Variants in PHF21A observed in about 807,000 individuals in gnomAD.
The protein encoded by PHF21A is BHC80a.
Under a neutral mutation model 82.5 loss-of-function variants are expected in PHF21A, and 11 were observed. The ratio of observed to expected loss-of-function variants is 0.13; its 90% CI spans 0.08 to 0.22. The LOEUF (loss-of-function observed/expected upper bound fraction) is 0.22. Ranked by LOEUF, PHF21A falls within the 10% of genes least tolerant of loss-of-function variation. The pLI is 1.00. For synonymous variants in PHF21A, 297 were observed against 302.8 expected, an observed-to-expected ratio of 0.98 and a Z score of 0.20; for missense variants, 579 against 837.8, an observed-to-expected ratio of 0.69 and a Z score of 3.81.
Position 46,121,351 on chromosome 11 carries a change from G to A in PHF21A, c.-653C>T, listed in dbSNP as rs1404831242. On this transcript the variant is annotated 5_prime_UTR_variant, in exon 1 of 19. Transcript: ENST00000676320. ...AGGGGGGAATCAGAGCAGCAGGAGA[G>A]AAACTGTAGGAGACAAACAAGCCCA... Among the ~76,000 whole-genome samples the A allele has an allele frequency of 6.6e-5, 10 of 150,938 alleles. No homozygotes were observed. The South Asian group carries it at 2.1e-3, about 32-fold the overall frequency.
rs1466156154 is a variant in PHF21A at position 45,948,917 on chromosome 11, G to A, written c.1257C>T (p.Asn419=). The change falls in exon 14 of 19, where the codon AAC becomes AAT. Residue 419 remains asparagine (N), a synonymous_variant. Coordinates refer to ENST00000676320, the MANE Select transcript of PHF21A (RefSeq NM_001352027.3). The part of the protein sequence containing the change: ...ERKKSAVTYL[N]STMHPGTRKR... ...TCCGGGTCCCAGGGTGCATTGTGCT[G>A]TTTAGGTATGTCACTGCACTCTTCT... 1.2e-6 allele frequency: 2 copies of A among 1,613,930 alleles called. No homozygotes were observed. Among genetic ancestry groups the A allele is most frequent in the South Asian group, 1.1e-5 (1 of 91,074 alleles).
In PHF21A at chr11:46,096,255, C is replaced by A. The variant is rs576991080; in HGVS notation, c.-236-4032G>T. On this transcript the variant is annotated intron_variant, in intron 1 of 18. Coordinates refer to ENST00000676320, the MANE Select transcript of PHF21A (RefSeq NM_001352027.3). ...AATTTTCCCCTCATCATTACTGGAT[C>A]ATTTTGTTCCTTCTATCTTAAAAAA... is the stretch of plus-strand genomic sequence containing the variant. 8.6e-5 allele frequency among the ~76,000 whole-genome samples: 13 copies of A among 151,436 alleles called. No homozygotes were observed. The South Asian group carries it at 2.1e-3, about 24-fold the overall frequency.
intron 6 of PHF21A, 76 bp from the exon 7 acceptor site, chr11:45,980,042 A>G: frequency 6.3e-7 from 1 of 1,592,906 alleles, no homozygotes; most frequent in Admixed American, 1.7e-5. Flanking sequence ...ATGCTCTGAC[A>G]TCTTTTCTAT....
chr11:46,000,924 A>AAAT (rs2095103834), intron 6 of PHF21A, among the ~76,000 whole-genome samples: 1 of 151,664 alleles, frequency 6.6e-6, no homozygotes, highest in South Asian at 2.1e-4. Context: ...CCGTCTCAAA[A>AAAT]AAATAAATAA....
At chr11:46,016,688 A>G (rs2095523916) in intron 6 of PHF21A, among the ~76,000 whole-genome samples, 1 of 151,992 alleles carries the variant, frequency 6.6e-6, no homozygotes, top group Admixed American at 6.6e-5. Flanking sequence ...TTTCTCCTCT[A>G]CTATACTGCC....
intron 11 of PHF21A, 82 bp from the exon 12 acceptor site, chr11:45,950,339 G>T: frequency 8.3e-7 from 1 of 1,211,664 alleles, no homozygotes; most frequent in Non-Finnish European, 1.2e-6. Flanking sequence ...AGGACATTAG[G>T]GAAAGCCAGC....
chr11:45,984,885 T>C (rs973164114), intron 6 of PHF21A, among the ~76,000 whole-genome samples: 5 of 152,204 alleles, frequency 3.3e-5, no homozygotes, highest in African/African-American at 1.2e-4. Context: ...ACTCAAGACA[T>C]CTTCTTACAC....
intron 6 of PHF21A, among the ~76,000 whole-genome samples, chr11:45,988,116 A>C (rs2136534336): frequency 6.6e-6 from 1 of 152,326 alleles, no homozygotes; most frequent in South Asian, 2.1e-4. Flanking sequence ...CAGACAAAAC[A>C]AATTGTTTTA....
At position 45,932,957 on chromosome 11, in the gene PHF21A, TAAAG is replaced by T. The variant is rs2087841354; in HGVS notation, c.*1007_*1010del. 6.6e-6 allele frequency: 1 copy of T among 152,170 alleles called. No individual in the cohort carries two copies. Among genetic ancestry groups the T allele is most frequent in the Non-Finnish European group, 1.5e-5 (1 of 67,952 alleles). 9.4% of individuals were successfully genotyped at this position (152,170 alleles called of 1,614,324 possible). On this transcript the variant is annotated 3_prime_UTR_variant, in exon 19 of 19. Coordinates refer to ENST00000676320, the MANE Select transcript of PHF21A (RefSeq NM_001352027.3). The surrounding 1 kb of genome is among the most constrained non-coding windows in gnomAD (Gnocchi z 4.3). ...ATGAACAGTAAAATAAAACTTTCCTTAAAGAAAAAAAGAACAAAAACAAAAATTA... is the reference window on the plus strand; with the variant it reads ...ATGAACAGTAAAATAAAACTTTCCTTAAAAAAAGAACAAAAACAAAAATTA...
intron 1 of PHF21A, chr11:46,117,160 A>T (rs1851570062): frequency 1.3e-5 from 2 of 152,196 alleles, no homozygotes; most frequent in Non-Finnish European, 2.9e-5. Context: ...GTATTATCTC[A>T]TTTGGTCTTA....
At chr11:45,961,312 G>A (rs532865123) in intron 10 of PHF21A, among the ~76,000 whole-genome samples, 2 of 152,284 alleles carry the variant, frequency 1.3e-5, no homozygotes, top group East Asian at 3.9e-4. Context: ...AGGTAGGCAG[G>A]TGCAAATAAA....
intron 9 of PHF21A, among the ~76,000 whole-genome samples, chr11:45,967,403 A>G (rs1026732596): frequency 5.3e-5 from 8 of 152,130 alleles, no homozygotes; most frequent in African/African-American, 1.9e-4. Flanking sequence ...TGCTAAATCA[A>G]ATCTGGATGG....
chr11:46,072,531 T>C (rs1273181296), intron 6 of PHF21A, among the ~76,000 whole-genome samples: 1 of 152,200 alleles, frequency 6.6e-6, no homozygotes, highest in Non-Finnish European at 1.5e-5. Context: ...GGGGGACCTA[T>C]AGAACTTTTA....
chr11:46,083,941 A>G (rs1022141258), intron 4 of PHF21A, among the ~76,000 whole-genome samples: 1 of 152,230 alleles, frequency 6.6e-6, no homozygotes, highest in African/African-American at 2.4e-5. Context: ...TATGAAAAAA[A>G]TCTTTTCAGT....
intron 1 of PHF21A, among the ~76,000 whole-genome samples, chr11:46,094,854 C>T (rs1200641344): frequency 6.6e-6 from 1 of 152,080 alleles, no homozygotes; most frequent in Non-Finnish European, 1.5e-5. Context: ...GAACTGAGAT[C>T]GCGCCACTAC....
chr11:46,060,609 ATG>A (rs1159996518), intron 6 of PHF21A, among the ~76,000 whole-genome samples: 8 of 152,164 alleles, frequency 5.3e-5, no homozygotes, highest in Non-Finnish European at 1.0e-4. Flanking sequence ...TGTTGGCCAC[ATG>A]TGTGTCTTCT....
intron 6 of PHF21A, among the ~76,000 whole-genome samples, chr11:46,010,355 T>G (rs1261782602): frequency 1.3e-5 from 2 of 152,238 alleles, no homozygotes; most frequent in African/African-American, 4.8e-5. Flanking sequence ...ATACATTATG[T>G]TACTTATACC....
rs1036084364 is a variant in PHF21A, at chr11:45,955,989, T to C, written c.997-2364A>G. On this transcript the variant is annotated intron_variant, in intron 10 of 18. Coordinates refer to ENST00000676320, the MANE Select transcript of PHF21A (RefSeq NM_001352027.3). ...TGAAGGACTATCAGCCAGAACTAAG[T>C]TGCAGACCAGAAGGAAATGGGTTAA... 3.9e-5 allele frequency among the ~76,000 whole-genome samples: 6 copies of C among 152,364 alleles called. No individual in the cohort carries two copies. In the South Asian group the frequency reaches 1.0e-3, roughly 26 times the overall value.
chr11:46,025,448 C>A (rs1456787639), intron 6 of PHF21A, among the ~76,000 whole-genome samples: 2 of 152,156 alleles, frequency 1.3e-5, no homozygotes. Context: ...CCATGATAAT[C>A]GATTAGGTTA....
Sources: allele counts gnomAD v4.1 joint callset (sites outside exome capture counted in the v4.1 genomes callset), GRCh38; gene constraint gnomAD v4.1.1; non-coding constraint Gnocchi (gnomAD v3.1); transcripts MANE v1.5; gene names NCBI Gene and HGNC (gene_info 2026-07-23, HGNC 2026-07-21).